GPATCH2: variants seen among roughly 807,000 people sequenced by gnomAD.
GPATCH2 encodes the protein G patch domain-containing protein 2.
In GPATCH2, 51 loss-of-function variants were observed where a neutral mutation model predicts 58.0. That is an observed-to-expected ratio of 0.88 (90% CI 0.70 to 1.11). GPATCH2 has a LOEUF of 1.11. GPATCH2 is among the 50% of genes most tolerant of loss of function. The probability of loss-of-function intolerance (pLI) is 0.00; values close to 1 mark genes in which losing one functional copy is unlikely to be tolerated. For synonymous variants in GPATCH2, 222 were observed against 218.5 expected (o/e 1.02, Z -0.14); for missense variants, 625 against 652.2 (o/e 0.96, Z 0.45).
At chr1:217,445,931 C>A (rs190388731) in intron 9 of GPATCH2, among the ~76,000 whole-genome samples, 2 of 152,176 alleles carry the variant, frequency 1.3e-5, no homozygotes, top group South Asian at 2.1e-4. Context: ...GGCTTTAAAT[C>A]TTTTATTAAA....
intron 5 of GPATCH2, among the ~76,000 whole-genome samples, chr1:217,523,702 C>T (rs372381031): frequency 2.0e-5 from 3 of 150,750 alleles, no homozygotes; most frequent in Admixed American, 6.6e-5. Flanking sequence ...ACCTCCCAGA[C>T]GGGGTGGTGG....
chr1:217,614,178 A>G lies in GPATCH2; in HGVS notation c.798T>C (p.Thr266=). 1.3e-6 allele frequency: 2 copies of G among 1,576,986 alleles called. No homozygotes were observed. The highest frequency in any genetic ancestry group is 2.2e-5 in the South Asian group (2 of 89,976). The change falls in exon 3 of 10, where the codon ACT becomes ACC. Residue 266 remains threonine, a synonymous_variant. Coordinates refer to ENST00000366935, the MANE Select transcript of GPATCH2 (RefSeq NM_018040.5). ...SESDSSSLSS[T]DAGLFTNDEG... is the part of the protein sequence containing the mutation. ...CATCATTGGTAAACAATCCAGCATC[A>G]GTGCTGCTGAGACTGCTGGAATCAC... is the stretch of plus-strand genomic sequence containing the variant.
At chr1:217,592,163 C>T (rs919961347) in intron 5 of GPATCH2, among the ~76,000 whole-genome samples, 2 of 151,970 alleles carry the variant, frequency 1.3e-5, no homozygotes, top group African/African-American at 2.4e-5. Flanking sequence ...TCTATTCTGG[C>T]TACACAAGTT....
At chr1:217,515,392 G>A (rs564173322) in intron 5 of GPATCH2, among the ~76,000 whole-genome samples, 7 of 151,854 alleles carry the variant, frequency 4.6e-5, no homozygotes, top group Middle Eastern at 6.8e-3. Context: ...CACCGCGCCC[G>A]ACTCCTCTGC....
At chr1:217,493,188 T>C (rs1661833169) in intron 7 of GPATCH2, among the ~76,000 whole-genome samples, 1 of 152,204 alleles carries the variant, frequency 6.6e-6, no homozygotes, top group African/African-American at 2.4e-5. Flanking sequence ...CCTTCTAATC[T>C]ACTCTCCACA....
intron 8 of GPATCH2, among the ~76,000 whole-genome samples, chr1:217,472,461 C>T (rs1204460016): frequency 2.0e-5 from 3 of 151,968 alleles, no homozygotes; most frequent in East Asian, 1.9e-4. Flanking sequence ...GCCACCACGC[C>T]GGGCTAATTT....
chr1:217,541,624 A>G (rs573226410), intron 5 of GPATCH2, among the ~76,000 whole-genome samples: 41 of 152,350 alleles, frequency 2.7e-4, no homozygotes, highest in African/African-American at 7.5e-4. Context: ...TTAACAAAAG[A>G]ATAAAAATCA....
intron 1 of GPATCH2, among the ~76,000 whole-genome samples, chr1:217,627,753 A>G (rs1420653695): frequency 6.6e-6 from 1 of 152,040 alleles, no homozygotes. Context: ...CAAATTAGTG[A>G]TTTAATAAGG....
chr1:217,459,781 T>C (rs1660119272), intron 8 of GPATCH2, among the ~76,000 whole-genome samples: 1 of 152,262 alleles, frequency 6.6e-6, no homozygotes, highest in Admixed American at 6.5e-5. Flanking sequence ...GGGAAGTCCA[T>C]GCATTTACTC....
chr1:217,586,468 C>T (rs548317342), intron 5 of GPATCH2, among the ~76,000 whole-genome samples: 2 of 152,120 alleles, frequency 1.3e-5, no homozygotes, highest in East Asian at 3.9e-4. Context: ...ACTGTCTTCA[C>T]CCCCACATCT....
chr1:217,502,831 A>G (rs1398520805), intron 6 of GPATCH2, among the ~76,000 whole-genome samples: 1 of 152,134 alleles, frequency 6.6e-6, no homozygotes, highest in Non-Finnish European at 1.5e-5. Context: ...AGAAAGATTT[A>G]CTTTCTTGAC....
chr1:217,458,569 C>T (rs552379681), intron 8 of GPATCH2, among the ~76,000 whole-genome samples: 26 of 152,150 alleles, frequency 1.7e-4, no homozygotes, highest in Non-Finnish European at 3.7e-4. Context: ...ACATCATGCC[C>T]CGTATTTTTC....
intron 5 of GPATCH2, among the ~76,000 whole-genome samples, chr1:217,533,099 G>A (rs943610856): frequency 1.6e-4 from 24 of 151,296 alleles, no homozygotes; most frequent in African/African-American, 5.6e-4. Context: ...TGGGGAGATG[G>A]GGTTTTGCCA....
intron 5 of GPATCH2, among the ~76,000 whole-genome samples, chr1:217,552,011 A>G (rs1464742869): frequency 6.6e-6 from 1 of 152,012 alleles, no homozygotes; most frequent in Admixed American, 6.6e-5. Flanking sequence ...TAAATTCTTA[A>G]TCAACCTATT....
intron 5 of GPATCH2, among the ~76,000 whole-genome samples, chr1:217,585,750 A>G (rs1358884302): frequency 6.6e-6 from 1 of 152,234 alleles, no homozygotes; most frequent in African/African-American, 2.4e-5. Flanking sequence ...TGCATTGCTT[A>G]ACACCAGGGA....
chr1:217,489,402 A>C (rs773273477), intron 8 of GPATCH2, among the ~76,000 whole-genome samples: 5 of 123,952 alleles, frequency 4.0e-5, no homozygotes, highest in African/African-American at 9.1e-5. Flanking sequence ...TGCTTAACTG[A>C]CTAATGAAGT....
chr1:217,495,669 C>T, intron 7 of GPATCH2, among the ~76,000 whole-genome samples: 1 of 152,214 alleles, frequency 6.6e-6, no homozygotes, highest in Non-Finnish European at 1.5e-5. Context: ...ATAGTGCCTT[C>T]TCTATGGTTT....
intron 5 of GPATCH2, among the ~76,000 whole-genome samples, chr1:217,524,706 C>T (rs191721553): frequency 7.2e-4 from 109 of 151,160 alleles, no homozygotes; most frequent in Middle Eastern, 3.4e-3. Flanking sequence ...CCAAAAAATA[C>T]GAAAACCAGT....
At chr1:217,461,918 T>A (rs960964279) in intron 8 of GPATCH2, among the ~76,000 whole-genome samples, 12 of 152,158 alleles carry the variant, frequency 7.9e-5, no homozygotes, top group African/African-American at 2.9e-4. Context: ...TAGCAAATAT[T>A]TACTAGACTA....
Sources: allele counts gnomAD v4.1 joint callset (sites outside exome capture counted in the v4.1 genomes callset), GRCh38; gene constraint gnomAD v4.1.1; transcripts MANE v1.5; gene names NCBI Gene and HGNC (gene_info 2026-07-23, HGNC 2026-07-21).